ANKRD44: variants seen among roughly 807,000 people sequenced by gnomAD.
The protein encoded by ANKRD44 is ankyrin repeat domain 44, also known as serine/threonine-protein phosphatase 6 regulatory ankyrin repeat subunit B.
In ANKRD44, 35 loss-of-function variants were observed where a neutral mutation model predicts 116.0. The ratio of observed to expected loss-of-function variants is 0.30; its 90% CI spans 0.23 to 0.40. ANKRD44 has a LOEUF of 0.40. Among genes scored for constraint, ANKRD44 ranks in the 10% least tolerant of loss-of-function variants. The pLI is 1.00. For missense variants in ANKRD44, 1,014 were observed against 1,242.6 expected (o/e 0.82, Z 2.77); for synonymous variants, 435 against 461.8 (o/e 0.94, Z 0.74).
At chr2:196,985,110 C>T (rs895735961), downstream of ANKRD44, among the ~76,000 whole-genome samples, 3 of 152,316 alleles carry the variant, frequency 2.0e-5, no homozygotes, top group Non-Finnish European at 4.4e-5. Context: ...GAAGGCCCAT[C>T]TGGCAAGGAA....
intron 1 of ANKRD44, among the ~76,000 whole-genome samples, chr2:197,259,220 G>A (rs948174441): frequency 5.9e-5 from 9 of 152,162 alleles, no homozygotes; most frequent in Non-Finnish European, 1.3e-4. Flanking sequence ...CTAGACCCAG[G>A]GATGCAAATT....
At chr2:197,249,860 C>T (rs191632306) in intron 1 of ANKRD44, among the ~76,000 whole-genome samples, 1 of 152,230 alleles carries the variant, frequency 6.6e-6, no homozygotes, top group African/African-American at 2.4e-5. Flanking sequence ...AATTTAAAAG[C>T]ATGTAATGAA....
At chr2:197,265,683 A>G (rs952087035) in intron 1 of ANKRD44, among the ~76,000 whole-genome samples, 1 of 152,178 alleles carries the variant, frequency 6.6e-6, no homozygotes, top group Admixed American at 6.5e-5. Flanking sequence ...TCATATGCAG[A>G]GATCATTATA....
At chr2:197,050,491 C>T (rs1363004987) in intron 16 of ANKRD44, among the ~76,000 whole-genome samples, 3 of 150,456 alleles carry the variant, frequency 2.0e-5, no homozygotes, top group South Asian at 2.1e-4. Context: ...GGTGTGATCT[C>T]GGCTCACTGC....
At chr2:197,024,723 T>C (rs917851541) in intron 17 of ANKRD44, among the ~76,000 whole-genome samples, 2 of 152,174 alleles carry the variant, frequency 1.3e-5, no homozygotes, top group Non-Finnish European at 2.9e-5. Context: ...AGGCAGAAGG[T>C]CGCAGCTGCA....
chr2:197,170,051 A>G (rs1324719728), intron 2 of ANKRD44, among the ~76,000 whole-genome samples: 1 of 152,030 alleles, frequency 6.6e-6, no homozygotes, highest in Non-Finnish European at 1.5e-5. Context: ...TTAGCTGGGC[A>G]TGGTGGTGTG....
Position 197,306,341 on chromosome 2 carries a change from A to G in ANKRD44, c.27+4237T>C, listed in dbSNP as rs370991723. Reference sequence around the variant, plus strand: ...GCGTATGACCCTAAACCGGTCAATTAGCCTCTCTATTCCTGTTTTCTCATC... The same window carrying G: ...GCGTATGACCCTAAACCGGTCAATTGGCCTCTCTATTCCTGTTTTCTCATC... On this transcript the variant is annotated intron_variant, in intron 1 of 27. Transcript: ENST00000282272. 6.7e-4 allele frequency among the ~76,000 whole-genome samples: 102 copies of G among 152,348 alleles called. 3 individuals are homozygous for G. The South Asian group carries it at 0.02, about 31-fold the overall frequency.
chr2:197,051,848 G>A (rs2077113834), intron 16 of ANKRD44, among the ~76,000 whole-genome samples: 1 of 152,176 alleles, frequency 6.6e-6, no homozygotes, highest in South Asian at 2.1e-4. Context: ...CTAGTGGGTA[G>A]AGGCCAGCAT....
At chr2:197,117,814 T>C (rs1255282996) in intron 8 of ANKRD44, among the ~76,000 whole-genome samples, 4 of 152,236 alleles carry the variant, frequency 2.6e-5, no homozygotes, top group Non-Finnish European at 5.9e-5. Context: ...GCCAGTTTTA[T>C]TGATTTCTAG....
chr2:197,139,480 A>C (rs1292585323), intron 3 of ANKRD44, among the ~76,000 whole-genome samples: 4 of 152,218 alleles, frequency 2.6e-5, no homozygotes, highest in Non-Finnish European at 5.9e-5. Flanking sequence ...TAGATATAAA[A>C]TAAAAGTTTA....
At chr2:197,155,313 A>T (rs1386178554) in intron 2 of ANKRD44, among the ~76,000 whole-genome samples, 1 of 152,212 alleles carries the variant, frequency 6.6e-6, no homozygotes, top group Non-Finnish European at 1.5e-5. Context: ...TAAAACCAAG[A>T]TTCAAAACCA....
intron 2 of ANKRD44, among the ~76,000 whole-genome samples, chr2:197,153,650 A>C (rs767388477): frequency 2.6e-5 from 4 of 152,222 alleles, no homozygotes; most frequent in Non-Finnish European, 4.4e-5. Context: ...CATCTCATAA[A>C]TACACAGAAA....
intron 4 of ANKRD44, among the ~76,000 whole-genome samples, chr2:197,132,971 T>C (rs1243349780): frequency 6.6e-6 from 1 of 152,186 alleles, no homozygotes; most frequent in African/African-American, 2.4e-5. Flanking sequence ...TGAACTAAAT[T>C]TCCCAGAATT....
intron 16 of ANKRD44, among the ~76,000 whole-genome samples, chr2:197,028,183 A>G (rs1163595210): frequency 1.3e-5 from 2 of 152,146 alleles, no homozygotes; most frequent in Non-Finnish European, 2.9e-5. Context: ...TTACACTTTC[A>G]GATAAATTGT....
intron 21 of ANKRD44, among the ~76,000 whole-genome samples, chr2:197,003,008 T>C (rs2076140140): frequency 6.6e-6 from 1 of 152,048 alleles, no homozygotes; most frequent in Non-Finnish European, 1.5e-5. Context: ...AAGTAATAAA[T>C]ATAAAAAACT....
At chr2:197,202,924 T>C (rs2081125818) in intron 1 of ANKRD44, among the ~76,000 whole-genome samples, 1 of 151,954 alleles carries the variant, frequency 6.6e-6, no homozygotes, top group African/African-American at 2.4e-5. Flanking sequence ...ATTTGGCTGA[T>C]GTTTTTTGGC....
At chr2:197,257,504 TAAAAC>T (rs2082481162) in intron 1 of ANKRD44, among the ~76,000 whole-genome samples, 1 of 152,170 alleles carries the variant, frequency 6.6e-6, no homozygotes, top group South Asian at 2.1e-4. Flanking sequence ...TTTAGTATCT[TAAAAC>T]AATTCAATAT....
chr2:196,978,488 T>A (rs2075775632), intron 21 of ANKRD44, among the ~76,000 whole-genome samples: 1 of 152,234 alleles, frequency 6.6e-6, no homozygotes, highest in Admixed American at 6.5e-5. Context: ...CCTGAAAACA[T>A]TCTGCTTAGA....
Position 196,987,737 on chromosome 2 carries a change from T to A in ANKRD44, c.*1854A>T. ...GCAAAGACAGGCAGACACTGGCAAATAAGTAAGTGCAATGAAACATGATCC... is the reference window on the plus strand; with the variant it reads ...GCAAAGACAGGCAGACACTGGCAAAAAAGTAAGTGCAATGAAACATGATCC... On this transcript the variant is annotated 3_prime_UTR_variant, in exon 28 of 28. Transcript: ENST00000282272. 2.0e-6 allele frequency: 2 copies of A among 985,268 alleles called. No homozygotes were observed. The highest frequency in any genetic ancestry group is 1.7e-5 in the African/African-American group (1 of 57,324). The allele number at this position is 985,268 out of a possible 1,614,324, so 61.0% of individuals were successfully genotyped here.
Sources: allele counts gnomAD v4.1 joint callset (sites outside exome capture counted in the v4.1 genomes callset), GRCh38; gene constraint gnomAD v4.1.1; transcripts MANE v1.5; gene names NCBI Gene and HGNC (gene_info 2026-07-23, HGNC 2026-07-21).